The following PRORP variants were observed in gnomAD, a reference collection of about 807,000 sequenced individuals.
The protein encoded by PRORP is protein only RNase P catalytic subunit.
A neutral mutation model predicts 59.4 loss-of-function variants in PRORP; 51 were observed. The observed-to-expected ratio is 0.86, with a 90% CI of 0.69 to 1.08. PRORP has a LOEUF of 1.08. Among genes scored for constraint, PRORP ranks in the 50% least tolerant of loss-of-function variants. The probability of loss-of-function intolerance (pLI) is 0.00; values close to 1 mark genes in which losing one functional copy is unlikely to be tolerated. For missense variants in PRORP, 646 were observed against 690.3 expected, an observed-to-expected ratio of 0.94 and a Z score of 0.72; for synonymous variants, 231 against 245.6, an observed-to-expected ratio of 0.94 and a Z score of 0.55.
chr14:35,147,622 G>A (rs1050107948), intron 4 of PRORP, among the ~76,000 whole-genome samples: 1 of 152,206 alleles, frequency 6.6e-6, no homozygotes, highest in African/African-American at 2.4e-5. Context: ...TGGGATTACA[G>A]GCATGAGCCA....
intron 5 of PRORP, among the ~76,000 whole-genome samples, chr14:35,250,768 G>C (rs928124748): frequency 1.3e-5 from 2 of 152,186 alleles, no homozygotes; most frequent in Non-Finnish European, 2.9e-5. Context: ...GGGAGATATT[G>C]CCAGAGAGAA....
chr14:35,234,657 C>G (rs533347945), intron 5 of PRORP, among the ~76,000 whole-genome samples: 2 of 148,912 alleles, frequency 1.3e-5, no homozygotes, highest in Non-Finnish European at 3.0e-5. Flanking sequence ...TCCTTTCTTT[C>G]CTCTTTCAAC....
At chr14:35,234,841 A>G (rs983378898) in intron 5 of PRORP, among the ~76,000 whole-genome samples, 6 of 151,454 alleles carry the variant, frequency 4.0e-5, no homozygotes, top group African/African-American at 7.3e-5. Flanking sequence ...ACCATGCCCA[A>G]CTAATTTTTT....
At chr14:35,153,217 G>A (rs1457918842) in intron 4 of PRORP, among the ~76,000 whole-genome samples, 9 of 152,214 alleles carry the variant, frequency 5.9e-5, no homozygotes, top group African/African-American at 1.7e-4. Flanking sequence ...GCGAAACCCC[G>A]TCTCCACCAA....
intron 5 of PRORP, among the ~76,000 whole-genome samples, chr14:35,214,358 G>A (rs187314236): frequency 2.2e-4 from 34 of 152,202 alleles, no homozygotes; most frequent in Admixed American, 1.9e-3. Context: ...TCAATTATGT[G>A]GTCAGAAGCC....
intron 5 of PRORP, among the ~76,000 whole-genome samples, chr14:35,261,795 T>C (rs1277584907): frequency 6.6e-6 from 1 of 152,160 alleles, no homozygotes; most frequent in Non-Finnish European, 1.5e-5. Flanking sequence ...GGATCCAGCC[T>C]TCGAATTTAC....
intron 4 of PRORP, among the ~76,000 whole-genome samples, chr14:35,180,159 G>A (rs1198407150): frequency 6.6e-6 from 1 of 152,176 alleles, no homozygotes; most frequent in East Asian, 1.9e-4. Flanking sequence ...CTACTCGGGG[G>A]TCAGGGACCC....
At chr14:35,160,510 C>T (rs540171590) in intron 4 of PRORP, among the ~76,000 whole-genome samples, 1 of 152,120 alleles carries the variant, frequency 6.6e-6, no homozygotes, top group South Asian at 2.1e-4. Context: ...CAAAAATTGC[C>T]CAAACTATTT....
intron 4 of PRORP, among the ~76,000 whole-genome samples, chr14:35,136,108 G>T (rs1201898448): frequency 1.3e-5 from 2 of 152,122 alleles, no homozygotes; most frequent in Non-Finnish European, 2.9e-5. Flanking sequence ...CCAGGTGTGG[G>T]ATGATGAGGG....
At chr14:35,239,319 G>A (rs1051923014) in intron 5 of PRORP, among the ~76,000 whole-genome samples, 1 of 150,044 alleles carries the variant, frequency 6.7e-6, no homozygotes, top group Non-Finnish European at 1.5e-5. Context: ...CCGCACTCCA[G>A]CCTGGGTGAC....
At chr14:35,174,478 G>T (rs2048394762) in intron 4 of PRORP, among the ~76,000 whole-genome samples, 1 of 151,824 alleles carries the variant, frequency 6.6e-6, no homozygotes, top group Non-Finnish European at 1.5e-5. Flanking sequence ...TTTTTGTTCT[G>T]TTTTGTTTTG....
At chr14:35,124,867 C>G (rs959632322) in intron 2 of PRORP, among the ~76,000 whole-genome samples, 3 of 150,006 alleles carry the variant, frequency 2.0e-5, no homozygotes, top group African/African-American at 7.4e-5. Context: ...TGTCTACTCT[C>G]TCCCTTTTTT....
At chr14:35,258,976 G>A (rs2050829116) in intron 5 of PRORP, among the ~76,000 whole-genome samples, 1 of 152,128 alleles carries the variant, frequency 6.6e-6, no homozygotes, top group Non-Finnish European at 1.5e-5. Flanking sequence ...TCATGAACCT[G>A]GACGATGGTG....
intron 5 of PRORP, among the ~76,000 whole-genome samples, chr14:35,191,534 T>C (rs2048883752): frequency 6.6e-6 from 1 of 152,076 alleles, no homozygotes; most frequent in South Asian, 2.1e-4. Context: ...AGACCCCATC[T>C]CTACAGAAGA....
At chr14:35,154,723 G>T (rs991508682) in intron 4 of PRORP, among the ~76,000 whole-genome samples, 4 of 151,358 alleles carry the variant, frequency 2.6e-5, no homozygotes, top group African/African-American at 4.9e-5. Flanking sequence ...AAGAGATGGA[G>T]CAATGATCTA....
At chr14:35,234,354 T>C (rs2050153258) in intron 5 of PRORP, among the ~76,000 whole-genome samples, 1 of 152,218 alleles carries the variant, frequency 6.6e-6, no homozygotes, top group Non-Finnish European at 1.5e-5. Context: ...ATACTGTGTT[T>C]CCTAGATCTT....
intron 4 of PRORP, among the ~76,000 whole-genome samples, chr14:35,163,332 A>C (rs1220224522): frequency 1.3e-5 from 2 of 152,100 alleles, no homozygotes; most frequent in Non-Finnish European, 2.9e-5. Context: ...ACTCTATTTT[A>C]GTTCTGTTTA....
intron 5 of PRORP, among the ~76,000 whole-genome samples, chr14:35,237,411 C>A (rs2050251072): frequency 6.6e-6 from 1 of 151,444 alleles, no homozygotes; most frequent in Non-Finnish European, 1.5e-5. Context: ...CAAATCCATT[C>A]TTTTCTCTTC....
chr14:35,158,129 C>G (rs531149568), intron 4 of PRORP: 3 of 277,214 alleles, frequency 1.1e-5, no homozygotes, highest in African/African-American at 6.7e-5. Context: ...TTTCAAACAC[C>G]TGCTCCATTT....
Sources: allele counts gnomAD v4.1 joint callset (sites outside exome capture counted in the v4.1 genomes callset), GRCh38; gene constraint gnomAD v4.1.1; transcripts MANE v1.5; gene names NCBI Gene and HGNC (gene_info 2026-07-23, HGNC 2026-07-21).